PGBD2: variants seen among roughly 807,000 people sequenced by gnomAD.
PGBD2 encodes piggyBac transposable element derived 2.
A neutral mutation model predicts 8.1 loss-of-function variants in PGBD2; 6 were observed. The ratio of observed to expected loss-of-function variants is 0.74; its 90% CI spans 0.40 to 1.46. The LOEUF (loss-of-function observed/expected upper bound fraction) is 1.46, where lower values mean the gene tolerates loss of function less well. Ranked by LOEUF, PGBD2 falls within the 40% of genes most tolerant of loss-of-function variation. The probability of loss-of-function intolerance (pLI) is 0.02; values close to 1 mark genes in which losing one functional copy is unlikely to be tolerated. For synonymous variants in PGBD2, 318 were observed against 272.2 expected, an observed-to-expected ratio of 1.17 and a Z score of -1.66; for missense variants, 802 against 739.0, an observed-to-expected ratio of 1.09 and a Z score of -0.99.
At chr1:248,914,832 G>T (rs767127398) in intron 2 of PGBD2, among the ~76,000 whole-genome samples, 1 of 152,202 alleles carries the variant, frequency 6.6e-6, no homozygotes, top group South Asian at 2.1e-4. Flanking sequence ...GTGGAGTCCT[G>T]TGGGGCCTGG....
At chr1:248,882,666 C>T in the PGBD2 span, among the ~76,000 whole-genome samples, 3 of 152,152 alleles carry the variant, frequency 2.0e-5, no homozygotes, top group Admixed American at 6.5e-5. Flanking sequence ...ATAGGCTCTC[C>T]ACAAGGGTTG....
At chr1:248,879,392 T>C in the PGBD2 span, among the ~76,000 whole-genome samples, 2 of 152,160 alleles carry the variant, frequency 1.3e-5, no homozygotes, top group African/African-American at 4.8e-5. Flanking sequence ...CTTTGAATGA[T>C]CTTTTTATTT....
chr1:248,913,323 A>G (rs1661977262), intron 1 of PGBD2, among the ~76,000 whole-genome samples: 1 of 152,102 alleles, frequency 6.6e-6, no homozygotes, highest in South Asian at 2.1e-4. Context: ...GGGTATTTAT[A>G]GTTATATAAG....
At chr1:248,892,805 C>G in the PGBD2 span, among the ~76,000 whole-genome samples, 3 of 152,192 alleles carry the variant, frequency 2.0e-5, no homozygotes, top group East Asian at 1.9e-4. Context: ...GCAGTACCAG[C>G]TTGACCTTTG....
At position 248,918,415 on chromosome 1, in the gene PGBD2, CAGATGG is replaced by C; in HGVS notation, c.*53_*58del. ...ATAATGAGATGTTTACAGTTAAATACAGATGGCAGTTGAGCACTTCTGTTTTGTGTT... is the reference window on the plus strand; with the variant it reads ...ATAATGAGATGTTTACAGTTAAATACCAGTTGAGCACTTCTGTTTTGTGTT... On this transcript the variant is annotated 3_prime_UTR_variant, in exon 3 of 3. Coordinates refer to ENST00000329291, the MANE Select transcript of PGBD2 (RefSeq NM_170725.3). 6.7e-7 allele frequency: 1 copy of C among 1,491,318 alleles called. No individual in the cohort carries two copies. The highest frequency in any genetic ancestry group is 9.0e-7 in the Non-Finnish European group (1 of 1,114,066). 92.4% of individuals were successfully genotyped at this position (1,491,318 alleles called of 1,614,324 possible). A position where few individuals can be genotyped will look rare whatever the true frequency, so the allele number is the denominator to read the frequency against.
At position 248,917,805 on chromosome 1, in the gene PGBD2, G is replaced by A; in HGVS notation, c.1221G>A (p.Glu407=). ...SFDYKVDESE[E]IIVCRWHDSS... ...ATTACAAAGTCGATGAGAGTGAGGA[G>A]ATCATCGTGTGCCGCTGGCACGATA... The change falls in exon 3 of 3, where the codon GAG becomes GAA. Residue 407 remains glutamate (E), a synonymous_variant. Transcript: ENST00000329291. 6.2e-7 allele frequency: 1 copy of A among 1,614,196 alleles called. No individual in the cohort carries two copies.
At chr1:248,927,284 G>A in the PGBD2 span, among the ~76,000 whole-genome samples, 82 of 152,262 alleles carry the variant, frequency 5.4e-4, no homozygotes, top group Non-Finnish European at 8.5e-4. Context: ...AGAGATTCTC[G>A]CACATCTGGG....
At chr1:248,913,158 C>T (rs189481976) in intron 1 of PGBD2, among the ~76,000 whole-genome samples, 95 of 152,230 alleles carry the variant, frequency 6.2e-4, no homozygotes, top group African/African-American at 2.1e-3. Context: ...TCCTCTCCCC[C>T]CTCACCCCAT....
chr1:248,888,196 T>C, the PGBD2 span, among the ~76,000 whole-genome samples: 3 of 152,336 alleles, frequency 2.0e-5, no homozygotes, highest in East Asian at 5.8e-4. Context: ...ATCCATGCTA[T>C]TGTGAATAGT....
chr1:248,886,851 A>T, the PGBD2 span, among the ~76,000 whole-genome samples: 3 of 152,320 alleles, frequency 2.0e-5, no homozygotes, highest in Admixed American at 6.5e-5. Context: ...ACTTCCTGTG[A>T]TAAAGCAGTC....
chr1:248,916,544 GCTGAA>G, intron 2 of PGBD2, 53 bp from the exon 3 acceptor site: 1 of 1,487,302 alleles, frequency 6.7e-7, no homozygotes, highest in Non-Finnish European at 9.3e-7. Flanking sequence ...CCTCTTTTCT[GCTGAA>G]GCATTGGCTT....
At chr1:248,887,608 C>G in the PGBD2 span, among the ~76,000 whole-genome samples, 1 of 152,096 alleles carries the variant, frequency 6.6e-6, no homozygotes, top group Non-Finnish European at 1.5e-5. Context: ...GCGAAACACA[C>G]CAAACCAGTA....
At chr1:248,895,774 G>A in the PGBD2 span, among the ~76,000 whole-genome samples, 1 of 151,632 alleles carries the variant, frequency 6.6e-6, no homozygotes, top group East Asian at 1.9e-4. Context: ...TGCAACTTCC[G>A]CCTCCCAGGT....
At chr1:248,911,002 C>T (rs1169290982) in intron 1 of PGBD2, among the ~76,000 whole-genome samples, 1 of 152,138 alleles carries the variant, frequency 6.6e-6, no homozygotes, top group Non-Finnish European at 1.5e-5. Flanking sequence ...GAGTTTCCTC[C>T]TGCCCCTTTG....
the PGBD2 span, among the ~76,000 whole-genome samples, chr1:248,894,406 G>A: frequency 1.3e-5 from 2 of 151,962 alleles, no homozygotes; most frequent in East Asian, 1.9e-4. Flanking sequence ...TATAACTTAC[G>A]TTTTAGTGGT....
rs1174109315 is a variant in PGBD2, at chr1:248,916,987, A to C, written c.403A>C (p.Lys135Gln). 2 of 1,612,472 alleles carry C rather than the reference A, an allele frequency of 1.2e-6. No homozygotes were observed. The highest frequency in any genetic ancestry group is 1.3e-5 in the African/African-American group (1 of 74,662). ...ATCAGATCCTCATATTGAGGATCTG[A>C]AAAGCCAAGAGCTGAGTCCCGTGGG... is the stretch of plus-strand genomic sequence containing the variant. ...TASDPHIEDL[K>Q]SQELSPVGLF... The change falls in exon 3 of 3, where the codon AAA (lysine) becomes CAA (glutamine). Residue 135 changes from lysine (K) to glutamine (Q), a missense_variant. Transcript: ENST00000329291.
the PGBD2 span, among the ~76,000 whole-genome samples, chr1:248,892,603 TAAC>T: frequency 1.3e-5 from 2 of 152,178 alleles, no homozygotes; most frequent in Non-Finnish European, 2.9e-5. Flanking sequence ...CTCTGGGACT[TAAC>T]TTCTCCTTTG....
intron 2 of PGBD2, among the ~76,000 whole-genome samples, chr1:248,915,896 C>G (rs1317989498): frequency 6.6e-6 from 1 of 152,090 alleles, no homozygotes; most frequent in African/African-American, 2.4e-5. Context: ...AATGTAATTG[C>G]AGAGCTCCTA....
At chr1:248,890,376 A>G in the PGBD2 span, among the ~76,000 whole-genome samples, 1 of 152,088 alleles carries the variant, frequency 6.6e-6, no homozygotes, top group South Asian at 2.1e-4. Context: ...TACAGGTACT[A>G]TTATTGTGTT....
Sources: allele counts gnomAD v4.1 joint callset (sites outside exome capture counted in the v4.1 genomes callset), GRCh38; gene constraint gnomAD v4.1.1; transcripts MANE v1.5; gene names NCBI Gene and HGNC (gene_info 2026-07-23, HGNC 2026-07-21).